The following PIBF1 variants were observed in gnomAD, a reference collection of about 807,000 sequenced individuals.
The protein encoded by PIBF1 is progesterone-induced-blocking factor 1.
A neutral mutation model predicts 112.5 loss-of-function variants in PIBF1; 90 were observed. The ratio of observed to expected loss-of-function variants is 0.80; its 90% CI spans 0.67 to 0.95. The LOEUF (loss-of-function observed/expected upper bound fraction) is 0.95. Among genes scored for constraint, PIBF1 ranks in the 40% least tolerant of loss-of-function variants. The pLI is 0.00. For synonymous variants in PIBF1, 301 were observed against 288.6 expected (o/e 1.04, Z -0.44); for missense variants, 915 against 852.3 (o/e 1.07, Z -0.92).
At chr13:72,996,767 T>TAA (rs1020169313) in intron 16 of PIBF1, among the ~76,000 whole-genome samples, 1 of 144,224 alleles carries the variant, frequency 6.9e-6, no homozygotes. Flanking sequence ...ACCCTGTCTC[T>TAA]AAAAAAAAAA....
At chr13:72,790,510 C>CATAGATAGATAG (rs3078582) in intron 2 of PIBF1, among the ~76,000 whole-genome samples, 13 of 140,044 alleles carry the variant, frequency 9.3e-5, no homozygotes, top group South Asian at 2.4e-4. Flanking sequence ...CACACACACA[C>CATAGATAGATAG]ATAGATAGAT....
Position 72,816,346 on chromosome 13 carries a change from C to T in PIBF1, c.673-5503C>T, listed in dbSNP as rs143889238. The stretch of plus-strand genomic sequence containing the variant: ...CCACATGTGATGAAAGTTACCTTTC[C>T]TCATTCTTGAGTTTTGCTGGGCATA... On this transcript the variant is annotated intron_variant, in intron 5 of 17. Transcript: ENST00000326291. Among the ~76,000 whole-genome samples, 1,057 of 152,178 alleles carry T rather than the reference C, an allele frequency of 6.9e-3. 15 individuals are homozygous for T. The highest frequency in any genetic ancestry group is 0.025 in the African/African-American group (1,019 of 41,520).
chr13:72,838,281 A>C (rs923523121), intron 9 of PIBF1, among the ~76,000 whole-genome samples: 4 of 152,234 alleles, frequency 2.6e-5, no homozygotes, highest in Non-Finnish European at 5.9e-5. Context: ...AATTATCATA[A>C]GTATGATGAT....
chr13:72,794,688 T>A (rs2035102601), intron 3 of PIBF1, among the ~76,000 whole-genome samples: 1 of 152,176 alleles, frequency 6.6e-6, no homozygotes, highest in African/African-American at 2.4e-5. Context: ...AAGACATGCC[T>A]TTGCTTCTCT....
chr13:72,979,017 A>G (rs2043091387), intron 16 of PIBF1, among the ~76,000 whole-genome samples: 1 of 152,162 alleles, frequency 6.6e-6, no homozygotes, highest in South Asian at 2.1e-4. Flanking sequence ...CAACCTAGGA[A>G]GACCTCATCT....
chr13:73,007,535 C>T (rs1013877809), intron 17 of PIBF1, among the ~76,000 whole-genome samples: 5 of 152,084 alleles, frequency 3.3e-5, no homozygotes, highest in South Asian at 4.1e-4. Context: ...CTAGGCCAGG[C>T]GCAGTGGCTC....
chr13:72,840,654 G>A (rs757215290), intron 9 of PIBF1, among the ~76,000 whole-genome samples: 9 of 151,738 alleles, frequency 5.9e-5, no homozygotes, highest in Non-Finnish European at 1.3e-4. Context: ...CTTCTGAGTA[G>A]CTGGGATTAC....
chr13:72,886,059 A>G (rs2039837858), intron 10 of PIBF1, among the ~76,000 whole-genome samples: 1 of 152,138 alleles, frequency 6.6e-6, no homozygotes, highest in Non-Finnish European at 1.5e-5. Context: ...TACAATATGT[A>G]TGTTAACCAT....
chr13:72,994,822 T>TG (rs2043596452), intron 16 of PIBF1, among the ~76,000 whole-genome samples: 1 of 152,230 alleles, frequency 6.6e-6, no homozygotes, highest in East Asian at 1.9e-4. Flanking sequence ...AAAAATGTTT[T>TG]CTAATTATTG....
At chr13:72,971,132 G>A (rs896709775) in intron 15 of PIBF1, among the ~76,000 whole-genome samples, 1 of 151,564 alleles carries the variant, frequency 6.6e-6, no homozygotes, top group Non-Finnish European at 1.5e-5. Context: ...ATTCCATTCC[G>A]ATTACACTAC....
At chr13:72,802,203 T>C (rs1398594845) in intron 5 of PIBF1, among the ~76,000 whole-genome samples, 1 of 152,158 alleles carries the variant, frequency 6.6e-6, no homozygotes, top group Non-Finnish European at 1.5e-5. Context: ...AACCCCTGTA[T>C]CGTCCAAGGG....
intron 9 of PIBF1, among the ~76,000 whole-genome samples, chr13:72,846,079 C>T (rs745860485): frequency 1.3e-5 from 2 of 151,802 alleles, no homozygotes; most frequent in Non-Finnish European, 2.9e-5. Flanking sequence ...TTGTTGGTTC[C>T]TCCTCATCTT....
intron 5 of PIBF1, among the ~76,000 whole-genome samples, chr13:72,817,486 T>C (rs2036330323): frequency 6.6e-6 from 1 of 152,226 alleles, no homozygotes; most frequent in African/African-American, 2.4e-5. Flanking sequence ...ATGTCCTCTT[T>C]TGTTCCTCCT....
At chr13:72,952,102 G>A (rs907351099) in intron 14 of PIBF1, among the ~76,000 whole-genome samples, 6 of 142,940 alleles carry the variant, frequency 4.2e-5, no homozygotes, top group Non-Finnish European at 7.5e-5. Flanking sequence ...TGACACAATC[G>A]CGGCTCACTG....
intron 17 of PIBF1, among the ~76,000 whole-genome samples, chr13:73,015,557 T>A (rs2139073536): frequency 6.6e-6 from 1 of 152,332 alleles, no homozygotes; most frequent in African/African-American, 2.4e-5. Flanking sequence ...TGAAAAGAAG[T>A]CATGTCCTTG....
At chr13:72,818,290 G>C (rs2036385624) in intron 5 of PIBF1, among the ~76,000 whole-genome samples, 1 of 152,088 alleles carries the variant, frequency 6.6e-6, no homozygotes, top group Admixed American at 6.6e-5. Flanking sequence ...AGACCACTGG[G>C]ACATTCCTCT....
At chr13:72,995,160 G>A (rs1443956850) in intron 16 of PIBF1, among the ~76,000 whole-genome samples, 1 of 151,640 alleles carries the variant, frequency 6.6e-6, no homozygotes, top group Non-Finnish European at 1.5e-5. Context: ...AAATTAGCCG[G>A]GCATGGTAGT....
At chr13:72,795,048 C>T (rs1053024209) in intron 3 of PIBF1, among the ~76,000 whole-genome samples, 1 of 152,032 alleles carries the variant, frequency 6.6e-6, no homozygotes, top group African/African-American at 2.4e-5. Flanking sequence ...AAGTAGAGTC[C>T]TTGATGTTTA....
intron 16 of PIBF1, among the ~76,000 whole-genome samples, chr13:72,979,021 C>T (rs2043091529): frequency 6.6e-6 from 1 of 152,130 alleles, no homozygotes; most frequent in Non-Finnish European, 1.5e-5. Flanking sequence ...CTAGGAAGAC[C>T]TCATCTTCAC....
Sources: gnomAD v4.1 joint callset for allele counts (sites outside exome capture counted in the v4.1 genomes callset) on GRCh38, gnomAD v4.1.1 for gene constraint, MANE v1.5 for transcripts, NCBI Gene and HGNC (gene_info 2026-07-23, HGNC 2026-07-21) for gene names.